The following PRDX3 variants were observed in gnomAD, a reference collection of about 807,000 sequenced individuals.
The protein encoded by PRDX3 is peroxiredoxin 3.
In PRDX3, 20 loss-of-function variants were observed where a neutral mutation model predicts 30.4. The ratio of observed to expected loss-of-function variants is 0.66; its 90% CI spans 0.46 to 0.96. The LOEUF is 0.96. PRDX3 is among the 40% of genes least tolerant of loss of function. PRDX3 has a pLI of 0.00. For synonymous variants in PRDX3, 124 were observed against 117.8 expected (o/e 1.05, Z -0.34); for missense variants, 322 against 318.3 (o/e 1.01, Z -0.09).
intron 1 of PRDX3, among the ~76,000 whole-genome samples, chr10:119,178,283 C>T (rs1848090626): frequency 6.6e-6 from 1 of 152,228 alleles, no homozygotes; most frequent in Non-Finnish European, 1.5e-5. Context: ...AAGCAGGAAA[C>T]AGCAGCAGAA....
chr10:119,177,055 A>G lies in PRDX3; in HGVS notation c.135T>C (p.Cys45=). Residue 45 remains cysteine (C), a synonymous_variant, in exon 2 of 7, where the codon TGT becomes TGC. Transcript: ENST00000298510. ...CGRTSLTNLL[C]SGSSQAKLFS... ...ATAATTTTGCTTGACTGGAACCAGA[A>G]CACAATAAATTTGTCAAGCTCGTTC... 1 of 1,614,128 alleles carries G rather than the reference A, an allele frequency of 6.2e-7. No homozygotes were observed. Among genetic ancestry groups the G allele is most frequent in the East Asian group, 2.2e-5 (1 of 44,890 alleles).
chr10:119,177,030 A>G lies in PRDX3; in HGVS notation c.160T>C (p.Phe54Leu). Residue 54 changes from phenylalanine (F) to leucine (L), a missense_variant, in exon 2 of 7, where the codon TTC (phenylalanine) becomes CTC (leucine). Transcript: ENST00000298510. ...LCSGSSQAKL[F>L]STSSSCHAPA... ...ATGACATAACACTTACTGGTGCTGA[A>G]TAATTTTGCTTGACTGGAACCAGAA... is the stretch of plus-strand genomic sequence containing the variant. 6.2e-7 allele frequency: 1 copy of G among 1,614,110 alleles called. No homozygotes were observed.
At chr10:119,177,906 A>C (rs902290318) in intron 1 of PRDX3, among the ~76,000 whole-genome samples, 12 of 143,844 alleles carry the variant, frequency 8.3e-5, no homozygotes, top group Non-Finnish European at 1.7e-4. Context: ...TTTGAAACAG[A>C]GTCTCGCTCT....
At chr10:119,168,939 C>G (rs912345637) in intron 6 of PRDX3, among the ~76,000 whole-genome samples, 3 of 142,438 alleles carry the variant, frequency 2.1e-5, no homozygotes, top group Non-Finnish European at 4.5e-5. Context: ...CGCCACTGCA[C>G]TCCAGCCTGG....
chr10:119,170,846 G>A (rs1847887824), intron 5 of PRDX3: 1 of 148,408 alleles, frequency 6.7e-6, no homozygotes, highest in African/African-American at 2.5e-5. Flanking sequence ...AGTGAGCCGA[G>A]ATCACGCCAC....
At position 119,178,768 on chromosome 10, in the gene PRDX3, A is replaced by T. The variant is rs1308702297; in HGVS notation, c.23T>A (p.Leu8Ter). Residue 8 changes from leucine (L) to a stop codon, truncating the protein, a stop_gained, in exon 1 of 7, where the codon TTG becomes TAG. Coordinates refer to ENST00000298510, the MANE Select transcript of PRDX3 (RefSeq NM_006793.5). LOFTEE classifies it high-confidence loss of function. Reference protein sequence around the residue: MAAAVGRLLRASVARHVS... With the variant: MAAAVGR The stretch of plus-strand genomic sequence containing the variant: ...ACAGCCACTCACCGACGCTCGGAGC[A>T]ACCGTCCTACAGCAGCCGCCATCTT... The T allele has an allele frequency of 6.4e-7, 1 of 1,552,778 alleles. No individual in the cohort carries two copies. Among genetic ancestry groups the T allele is most frequent in the African/African-American group, 1.4e-5 (1 of 73,138 alleles).
At chr10:119,174,022 G>T in intron 3 of PRDX3, 150 bp from the exon 4 acceptor site, 1 of 632,626 alleles carries the variant, frequency 1.6e-6, no homozygotes, top group Non-Finnish European at 2.5e-6. Context: ...GCTGGCAAAA[G>T]TACTACTACC....
Position 119,169,322 on chromosome 10 carries a change from G to A in PRDX3, c.572C>T (p.Pro191Leu). 6.2e-7 allele frequency: 1 copy of A among 1,613,858 alleles called. No homozygotes were observed. The change falls in exon 6 of 7, where the codon CCC becomes CTC. Residue 191 changes from proline (P) to leucine (L), a missense_variant. Coordinates refer to ENST00000298510, the MANE Select transcript of PRDX3 (RefSeq NM_006793.5). ...GCTCAAATGCTTGATGACTCCATTG[G>A]GGTCAATTATGAAGAGACCTCTGCA... ...LALRGLFIID[P>L]NGVIKHLSVN...
chr10:119,177,811 C>T (rs1439346329), intron 1 of PRDX3, among the ~76,000 whole-genome samples: 1 of 150,628 alleles, frequency 6.6e-6, no homozygotes, highest in Admixed American at 6.6e-5. Context: ...GCACCAGCGA[C>T]AAGTAAACAA....
chr10:119,168,587 C>A, intron 6 of PRDX3, 54 bp from the exon 7 acceptor site: 1 of 1,591,412 alleles, frequency 6.3e-7, no homozygotes, highest in African/African-American at 1.4e-5. Flanking sequence ...AATAATAGTC[C>A]CAAAAGTGAG....
chr10:119,172,445 T>A lies in PRDX3; in HGVS notation c.488A>T (p.Asp163Val). The A allele has an allele frequency of 6.2e-7, 1 of 1,614,190 alleles. No homozygotes were observed. The highest frequency in any genetic ancestry group is 8.5e-7 in the Non-Finnish European group (1 of 1,180,008). The change falls in exon 5 of 7, where the codon GAC (aspartate) becomes GTC (valine). Residue 163 changes from aspartate (D) to valine (V), a missense_variant. Physicochemically the swap from Asp to Val is radical, Grantham distance 152 (BLOSUM62 -3). Transcript: ENST00000298510. ...LGHMNIALLS[D>V]LTKQISRDYG... is the part of the protein sequence containing the mutation. ...GTCTCGGGAAATCTGCTTAGTTAAG[T>A]CTGACAAGAGTGCGATGTTCATGTG...
At chr10:119,169,033 C>G in intron 6 of PRDX3, 144 bp downstream of exon 6, 2 of 850,710 alleles carry the variant, frequency 2.4e-6, no homozygotes, top group Non-Finnish European at 3.7e-6. Context: ...ACCCCACCCC[C>G]TCTACCCCAC....
rs756389543 is a variant in PRDX3, at chr10:119,174,559, T to C, written c.203A>G (p.His68Arg). ...GGCTGTACCCTTAAAATAGGGTGCA[T>C]GCTGGGTGACAGCAGGTGCATGGCA... ...SSCHAPAVTQHAPYFKGTAVV... is the reference protein window; with the variant it reads ...SSCHAPAVTQRAPYFKGTAVV... Residue 68 changes from histidine (H) to arginine (R), a missense_variant, in exon 3 of 7, where the codon CAT (histidine) becomes CGT (arginine). Physicochemically the swap from His to Arg is conservative, Grantham distance 29. Transcript: ENST00000298510. 13 of 1,608,102 alleles carry C rather than the reference T, an allele frequency of 8.1e-6. No homozygotes were observed. Among genetic ancestry groups the C allele is most frequent in the East Asian group, 2.2e-5 (1 of 44,782 alleles).
rs1847819244 is a variant in PRDX3 at position 119,168,473 on chromosome 10, G to A, written c.*7C>T. Reference sequence around the variant, plus strand: ...CAGTTGAGAAGGTGCAGATACACATGGGTGATCTACTGATTTACCTTCTGA... The same window carrying A: ...CAGTTGAGAAGGTGCAGATACACATAGGTGATCTACTGATTTACCTTCTGA... On this transcript the variant is annotated 3_prime_UTR_variant, in exon 7 of 7. Transcript: ENST00000298510. 1 of 1,613,460 alleles carries A rather than the reference G, an allele frequency of 6.2e-7. No homozygotes were observed. The highest frequency in any genetic ancestry group is 1.7e-5 in the Admixed American group (1 of 59,946).
At chr10:119,176,201 G>A (rs1010627159) in intron 2 of PRDX3, among the ~76,000 whole-genome samples, 4 of 152,168 alleles carry the variant, frequency 2.6e-5, no homozygotes, top group South Asian at 4.1e-4. Context: ...AGGAATGAGC[G>A]ACAGAGTAGT....
Position 119,173,786 on chromosome 10 carries a change from G to A in PRDX3, c.398C>T (p.Ser133Leu). ...HDVNCEVVAV[S>L]VDSHFSHLAW... ...AAGATGGCTAAAGTGGGAATCCACT[G>A]AGACTGCGACAACTTCACAGTTCAC... The change falls in exon 4 of 7, where the codon TCA becomes TTA. Residue 133 changes from serine to leucine, a missense_variant. Coordinates refer to ENST00000298510, the MANE Select transcript of PRDX3 (RefSeq NM_006793.5). The A allele has an allele frequency of 6.2e-7, 1 of 1,612,684 alleles. No homozygotes were observed. The highest frequency in any genetic ancestry group is 8.5e-7 in the Non-Finnish European group (1 of 1,179,852).
chr10:119,178,310 T>C (rs1589668014), intron 1 of PRDX3, among the ~76,000 whole-genome samples: 1 of 152,102 alleles, frequency 6.6e-6, no homozygotes, highest in South Asian at 2.1e-4. Context: ...GGGAGTGGGA[T>C]TGGGAGGGAA....
At chr10:119,171,886 G>A (rs1050655952) in intron 5 of PRDX3, among the ~76,000 whole-genome samples, 3 of 152,176 alleles carry the variant, frequency 2.0e-5, no homozygotes, top group Non-Finnish European at 2.9e-5. Flanking sequence ...TACCCTGCTA[G>A]TCCCCCCTTC....
chr10:119,169,979 G>T (rs898875298), intron 5 of PRDX3: 1 of 152,330 alleles, frequency 6.6e-6, no homozygotes, highest in Non-Finnish European at 1.5e-5. Flanking sequence ...GTTTAGCCTA[G>T]AAGTTTTTTT....
Sources: gnomAD v4.1 joint callset for allele counts (sites outside exome capture counted in the v4.1 genomes callset) on GRCh38, gnomAD v4.1.1 for gene constraint, MANE v1.5 for transcripts, NCBI Gene and HGNC (gene_info 2026-07-23, HGNC 2026-07-21) for gene names.